Variants in LRRC7 observed in about 807,000 individuals in gnomAD.
LRRC7 encodes leucine-rich repeat-containing protein 7.
A neutral mutation model predicts 175.7 loss-of-function variants in LRRC7; 23 were observed. The ratio of observed to expected loss-of-function variants is 0.13; its 90% CI spans 0.09 to 0.19. The LOEUF is 0.19. LRRC7 is among the 10% of genes least tolerant of loss of function. The pLI is 1.00. For missense variants in LRRC7, 1,354 were observed against 1,904.7 expected (o/e 0.71, Z 5.38); for synonymous variants, 685 against 680.9 (o/e 1.01, Z -0.09).
intron 18 of LRRC7, among the ~76,000 whole-genome samples, chr1:70,034,022 A>G (rs1475331346): frequency 2.6e-5 from 4 of 152,158 alleles, no homozygotes; most frequent in East Asian, 3.9e-4. Flanking sequence ...TATTTTAATG[A>G]TGATAATGCC....
At chr1:69,738,609 C>T (rs746070126) in intron 2 of LRRC7, among the ~76,000 whole-genome samples, 2 of 151,756 alleles carry the variant, frequency 1.3e-5, no homozygotes, top group Admixed American at 6.6e-5. Context: ...TGTATGAGCC[C>T]GTTGCTTAGG....
In LRRC7 at chr1:69,994,473, A is replaced by G. The variant is rs1654742080; in HGVS notation, c.932-88A>G. ...GGCCAATTAGCATGCCAAGCATTCA[A>G]CACAAGTGATTCATGTGATTTCTTT... On this transcript the variant is annotated intron_variant, in intron 10 of 26. Coordinates refer to ENST00000651989, the MANE Select transcript of LRRC7 (RefSeq NM_001370785.2). 4 of 939,952 alleles carry G rather than the reference A, an allele frequency of 4.3e-6. No individual in the cohort carries two copies. The South Asian group carries it at 5.3e-5, about 13-fold the overall frequency. 58.2% of individuals were successfully genotyped at this position (939,952 alleles called of 1,614,324 possible).
chr1:69,896,626 G>A (rs891269793), intron 7 of LRRC7, among the ~76,000 whole-genome samples: 2 of 152,076 alleles, frequency 1.3e-5, no homozygotes, highest in Non-Finnish European at 2.9e-5. Context: ...TTATTTCAAA[G>A]CCTTATTACT....
chr1:69,924,641 A>C (rs1368951169), intron 7 of LRRC7, among the ~76,000 whole-genome samples: 1 of 152,188 alleles, frequency 6.6e-6, no homozygotes, highest in Non-Finnish European at 1.5e-5. Context: ...ATTTTTGTAC[A>C]TTGATTTTAT....
chr1:69,756,612 T>C (rs1477993093), intron 2 of LRRC7, among the ~76,000 whole-genome samples: 1 of 151,796 alleles, frequency 6.6e-6, no homozygotes, highest in Non-Finnish European at 1.5e-5. Context: ...ACTTTTTTAT[T>C]TATAAAGAAA....
chr1:69,762,958 A>G (rs1051569576), intron 3 of LRRC7, among the ~76,000 whole-genome samples: 1 of 152,124 alleles, frequency 6.6e-6, no homozygotes, highest in Non-Finnish European at 1.5e-5. Flanking sequence ...TTTTACTTTC[A>G]TAAAACAGCC....
rs186388369 is a variant in LRRC7 at position 70,124,511 on chromosome 1, C to T, written c.*2624C>T. Among the ~76,000 whole-genome samples the T allele has an allele frequency of 6.6e-6, 1 of 151,924 alleles. No homozygotes were observed. Among genetic ancestry groups the T allele is most frequent in the Non-Finnish European group, 1.5e-5 (1 of 67,978 alleles). On this transcript the variant is annotated 3_prime_UTR_variant, in exon 27 of 27. Transcript: ENST00000651989. ...CTGCACTCCGGCCTGGGCAACAGAG[C>T]GAAACTCTGTCTCAAAATAAATAAA...
At chr1:70,064,944 A>G (rs1661859214) in intron 23 of LRRC7, among the ~76,000 whole-genome samples, 1 of 151,876 alleles carries the variant, frequency 6.6e-6, no homozygotes. Flanking sequence ...CTTCATATTG[A>G]ATTTAGTTCA....
intron 24 of LRRC7, among the ~76,000 whole-genome samples, chr1:70,088,109 A>G (rs1039595649): frequency 2.7e-4 from 41 of 152,236 alleles, no homozygotes; most frequent in African/African-American, 9.6e-4. Context: ...AAATGTTTAC[A>G]ATCACTTTTA....
At chr1:69,979,261 A>G (rs1051915074) in intron 8 of LRRC7, among the ~76,000 whole-genome samples, 5 of 152,210 alleles carry the variant, frequency 3.3e-5, no homozygotes, top group African/African-American at 1.2e-4. Context: ...CAAACAAAAA[A>G]GGAATGGGCT....
At chr1:70,046,972 G>A (rs537567454) in intron 22 of LRRC7, among the ~76,000 whole-genome samples, 2 of 152,120 alleles carry the variant, frequency 1.3e-5, no homozygotes, top group South Asian at 4.1e-4. Flanking sequence ...AGAGGAGATA[G>A]GCAAAAATTA....
intron 8 of LRRC7, among the ~76,000 whole-genome samples, chr1:69,971,544 C>T (rs1449801094): frequency 6.6e-6 from 1 of 152,062 alleles, no homozygotes; most frequent in African/African-American, 2.4e-5. Context: ...AAACAAAATA[C>T]TTAGAAATAT....
intron 2 of LRRC7, among the ~76,000 whole-genome samples, chr1:69,710,464 A>T (rs1030536485): frequency 1.3e-5 from 2 of 152,066 alleles, no homozygotes; most frequent in Non-Finnish European, 2.9e-5. Context: ...TAGGGTTTAC[A>T]GATTTGGAGA....
At chr1:69,750,029 C>G (rs146430554) in intron 2 of LRRC7, among the ~76,000 whole-genome samples, 1,582 of 150,354 alleles carry the variant, frequency 0.011, 27 homozygotes, top group Middle Eastern at 0.045. Context: ...CCACTGCACT[C>G]CAGCCTGGCG....
chr1:70,080,623 A>T (rs1191165268), intron 24 of LRRC7, among the ~76,000 whole-genome samples: 3 of 152,232 alleles, frequency 2.0e-5, no homozygotes, highest in African/African-American at 4.8e-5. Context: ...GTTATGTTTC[A>T]ACTATAAAAT....
At chr1:69,623,353 A>G (rs1375830539) in intron 1 of LRRC7, among the ~76,000 whole-genome samples, 1 of 152,092 alleles carries the variant, frequency 6.6e-6, no homozygotes, top group Admixed American at 6.6e-5. Flanking sequence ...GTGATTATCT[A>G]TTGGCACAGA....
rs1438550584 is a variant in LRRC7 at position 70,016,348 on chromosome 1, T to C, written c.1251-117T>C. The C allele has an allele frequency of 4.6e-6, 3 of 656,058 alleles. No homozygotes were observed. In the African/African-American group the frequency reaches 5.6e-5, roughly 12 times the overall value. The allele number at this position is 656,058 out of a possible 1,614,324, so 40.6% of individuals were successfully genotyped here. On this transcript the variant is annotated intron_variant, in intron 13 of 26. Coordinates refer to ENST00000651989, the MANE Select transcript of LRRC7 (RefSeq NM_001370785.2). ...TTTAAATATTGTTCAGGCTGCTCAA[T>C]GGAGAAGGGATTCAAGAAAAGAATG... is the stretch of plus-strand genomic sequence containing the variant.
In LRRC7 at chr1:70,131,869, ATTATC is replaced by A. The variant is rs1157898542; in HGVS notation, c.*9986_*9990del. On this transcript the variant is annotated 3_prime_UTR_variant, in exon 27 of 27. Transcript: ENST00000651989. ...GTGAAATATTAATTGAGAGAGTGAC[ATTATC>A]TTAGGATAGTAAGAATATTTTAGAA... 6.6e-6 allele frequency among the ~76,000 whole-genome samples: 1 copy of A among 152,232 alleles called. No homozygotes were observed. The highest frequency in any genetic ancestry group is 1.5e-5 in the Non-Finnish European group (1 of 68,036).
At position 69,568,435 on chromosome 1, in the gene LRRC7, G is replaced by T. The variant is rs1323350469; in HGVS notation, c.-205G>T. On this transcript the variant is annotated 5_prime_UTR_variant, in exon 1 of 27. Coordinates refer to ENST00000651989, the MANE Select transcript of LRRC7 (RefSeq NM_001370785.2). Reference sequence around the variant, plus strand: ...AACCTCTCCAGCCGTCCACCTGAAGGGCACTGGCATCATGGTCTAACGTGG... The same window carrying T: ...AACCTCTCCAGCCGTCCACCTGAAGTGCACTGGCATCATGGTCTAACGTGG... 4 of 277,480 alleles carry T rather than the reference G, an allele frequency of 1.4e-5. No individual in the cohort carries two copies. The highest frequency in any genetic ancestry group is 2.3e-5 in the African/African-American group (1 of 42,726). 17.2% of individuals were successfully genotyped at this position (277,480 alleles called of 1,614,324 possible). A position where few individuals can be genotyped will look rare whatever the true frequency, so the allele number is the denominator to read the frequency against.
Sources: allele counts gnomAD v4.1 joint callset (sites outside exome capture counted in the v4.1 genomes callset), GRCh38; gene constraint gnomAD v4.1.1; transcripts MANE v1.5; gene names NCBI Gene and HGNC (gene_info 2026-07-23, HGNC 2026-07-21).